Variants in GRIK2 observed in about 807,000 individuals in gnomAD.
The protein encoded by GRIK2 is glutamate receptor ionotropic, kainate 2.
In GRIK2, 32 loss-of-function variants were observed where a neutral mutation model predicts 100.3. The observed-to-expected ratio is 0.32, with a 90% CI of 0.24 to 0.43. GRIK2 has a LOEUF of 0.43. GRIK2 is among the 20% of genes least tolerant of loss of function. The probability of loss-of-function intolerance (pLI) is 1.00; values close to 1 mark genes in which losing one functional copy is unlikely to be tolerated. For missense variants in GRIK2, 843 were observed against 1,114.9 expected (o/e 0.76, Z 3.47); for synonymous variants, 417 against 389.4 (o/e 1.07, Z -0.83).
intron 2 of GRIK2, among the ~76,000 whole-genome samples, chr6:101,611,281 T>C (rs1394250020): frequency 2.0e-5 from 3 of 151,936 alleles, no homozygotes; most frequent in South Asian, 2.1e-4. Flanking sequence ...GTTTATATAC[T>C]GACTTCTCAC....
intron 9 of GRIK2, among the ~76,000 whole-genome samples, chr6:101,817,588 A>C (rs915287568): frequency 2.9e-4 from 44 of 152,158 alleles, no homozygotes; most frequent in African/African-American, 1.1e-3. Flanking sequence ...TAAACCATCT[A>C]ATGAATGCAT....
Position 101,627,651 on chromosome 6 carries a change from G to A in GRIK2, c.541+1014G>A, listed in dbSNP as rs187382218. Among the ~76,000 whole-genome samples the A allele has an allele frequency of 4.6e-5, 7 of 152,222 alleles. No individual in the cohort carries two copies. The East Asian group carries it at 1.4e-3, about 29-fold the overall frequency. On this transcript the variant is annotated intron_variant, in intron 4 of 16. Transcript: ENST00000369134. ...AGGTTAGAAAAGTTTTTACTCATAT[G>A]TGGAACAATATAATATTCACTGAAA...
intron 2 of GRIK2, among the ~76,000 whole-genome samples, chr6:101,613,786 C>T (rs758499256): frequency 2.0e-5 from 3 of 147,664 alleles, no homozygotes; most frequent in Non-Finnish European, 3.0e-5. Context: ...ACTAGAAAAA[C>T]GAAAGGATCA....
chr6:101,476,132 C>G (rs916540393), intron 2 of GRIK2, among the ~76,000 whole-genome samples: 1 of 152,014 alleles, frequency 6.6e-6, no homozygotes, highest in Non-Finnish European at 1.5e-5. Flanking sequence ...AAATGCACAA[C>G]TAATCTCAGG....
intron 9 of GRIK2, among the ~76,000 whole-genome samples, chr6:101,805,656 C>A (rs1261890053): frequency 6.6e-6 from 1 of 151,842 alleles, no homozygotes; most frequent in East Asian, 1.9e-4. Context: ...AGGTTATAAT[C>A]TAATAGAGGA....
At chr6:101,693,738 T>C (rs1772274723) in intron 7 of GRIK2, among the ~76,000 whole-genome samples, 1 of 151,920 alleles carries the variant, frequency 6.6e-6, no homozygotes, top group South Asian at 2.1e-4. Flanking sequence ...TAAAAAATTA[T>C]ATATATCTAA....
intron 16 of GRIK2, among the ~76,000 whole-genome samples, chr6:102,064,447 T>G (rs1348020314): frequency 6.7e-6 from 1 of 150,030 alleles, no homozygotes; most frequent in East Asian, 1.9e-4. Flanking sequence ...TGTCCATCTT[T>G]CTTTCTCTCT....
intron 4 of GRIK2, among the ~76,000 whole-genome samples, chr6:101,673,200 A>T (rs9498665): frequency 0.3 from 45,521 of 152,106 alleles, 9,021 homozygotes; most frequent in Non-Finnish European, 0.44. Flanking sequence ...TGGGCAAAAG[A>T]CATGAAAAGA....
At chr6:101,875,199 G>T (rs1041453677) in intron 11 of GRIK2, among the ~76,000 whole-genome samples, 1 of 151,898 alleles carries the variant, frequency 6.6e-6, no homozygotes, top group Non-Finnish European at 1.5e-5. Context: ...TTTAATCTGA[G>T]TGTAACAAGG....
At chr6:101,753,474 T>C (rs1329210183) in intron 7 of GRIK2, among the ~76,000 whole-genome samples, 2 of 152,094 alleles carry the variant, frequency 1.3e-5, no homozygotes, top group African/African-American at 2.4e-5. Context: ...TTGTAAGTTA[T>C]GGAGAGTATG....
Position 101,810,080 on chromosome 6 carries a change from T to A in GRIK2, c.1203+7642T>A, listed in dbSNP as rs1781235590. On this transcript the variant is annotated intron_variant, in intron 9 of 16. Transcript: ENST00000369134. The stretch of plus-strand genomic sequence containing the variant: ...TAACCACTAAATTTGAATTAACATA[T>A]ATATATGTATAAATTACAATTATGA... 1.0e-4 allele frequency among the ~76,000 whole-genome samples: 14 copies of A among 134,692 alleles called. No homozygotes were observed. In the South Asian group the frequency reaches 3.3e-3, roughly 32 times the overall value. 88.4% of individuals were successfully genotyped at this position (134,692 alleles called of 152,430 possible).
At chr6:101,480,858 G>A (rs571427370) in intron 2 of GRIK2, among the ~76,000 whole-genome samples, 2 of 152,184 alleles carry the variant, frequency 1.3e-5, no homozygotes, top group South Asian at 2.1e-4. Flanking sequence ...ACAAATATTG[G>A]TAAAGAAACA....
At chr6:101,600,083 G>T (rs1379813224) in intron 2 of GRIK2, among the ~76,000 whole-genome samples, 1 of 151,788 alleles carries the variant, frequency 6.6e-6, no homozygotes. Context: ...TTTATGTAAG[G>T]TTAAAAGTAG....
intron 2 of GRIK2, among the ~76,000 whole-genome samples, chr6:101,583,156 G>C (rs1199817931): frequency 6.6e-6 from 1 of 152,100 alleles, no homozygotes; most frequent in Non-Finnish European, 1.5e-5. Flanking sequence ...TTAAGCAAAT[G>C]TTTAGTGGAT....
intron 4 of GRIK2, among the ~76,000 whole-genome samples, chr6:101,662,645 G>T (rs1370948085): frequency 6.6e-6 from 1 of 151,734 alleles, no homozygotes; most frequent in African/African-American, 2.4e-5. Flanking sequence ...CTCATACCAT[G>T]GTGTTTTCTA....
intron 14 of GRIK2, among the ~76,000 whole-genome samples, chr6:101,998,786 ATG>A (rs1794776343): frequency 1.4e-5 from 2 of 142,866 alleles, no homozygotes; most frequent in Admixed American, 7.0e-5. Context: ...TTGAGCGTAT[ATG>A]TGTGAGTTTT....
chr6:101,992,394 A>T (rs1794425693), intron 14 of GRIK2, among the ~76,000 whole-genome samples: 1 of 151,652 alleles, frequency 6.6e-6, no homozygotes, highest in Admixed American at 6.6e-5. Flanking sequence ...GGGGCATAAG[A>T]TCACCATAAG....
chr6:102,040,926 T>G (rs1770532853), intron 15 of GRIK2, among the ~76,000 whole-genome samples: 1 of 151,610 alleles, frequency 6.6e-6, no homozygotes, highest in Non-Finnish European at 1.5e-5. Flanking sequence ...TATTTTCCCT[T>G]TGCATAAGCA....
chr6:102,013,159 T>G (rs1795638498), intron 14 of GRIK2, among the ~76,000 whole-genome samples: 1 of 152,150 alleles, frequency 6.6e-6, no homozygotes, highest in Admixed American at 6.5e-5. Context: ...CCTCCCTGAT[T>G]TGCTGTATTT....
Sources: allele counts gnomAD v4.1 joint callset (sites outside exome capture counted in the v4.1 genomes callset), GRCh38; gene constraint gnomAD v4.1.1; transcripts MANE v1.5; gene names NCBI Gene and HGNC (gene_info 2026-07-23, HGNC 2026-07-21).